Variants in MAN2A1 observed in about 807,000 individuals in gnomAD.
MAN2A1 encodes alpha-mannosidase 2.
In MAN2A1, 76 loss-of-function variants were observed where a neutral mutation model predicts 142.6. The observed-to-expected ratio is 0.53, with a 90% CI of 0.44 to 0.65. MAN2A1 has a LOEUF of 0.65. MAN2A1 is among the 30% of genes least tolerant of loss of function. The pLI, the probability that MAN2A1 is intolerant of heterozygous loss-of-function variation, is 0.00. For missense variants in MAN2A1, 1,311 were observed against 1,365.1 expected (o/e 0.96, Z 0.62); for synonymous variants, 559 against 473.2 (o/e 1.18, Z -2.35).
At chr5:109,822,888 A>G (rs1378567808) in intron 15 of MAN2A1, among the ~76,000 whole-genome samples, 2 of 152,110 alleles carry the variant, frequency 1.3e-5, no homozygotes, top group Non-Finnish European at 2.9e-5. Flanking sequence ...CATGTTAGCC[A>G]GGATGGTCTC....
At chr5:109,836,105 A>T (rs367822110) in intron 16 of MAN2A1, among the ~76,000 whole-genome samples, 3 of 148,828 alleles carry the variant, frequency 2.0e-5, no homozygotes, top group Non-Finnish European at 4.5e-5. Context: ...CAATAATAAT[A>T]ATTATTGTTA....
intron 16 of MAN2A1, among the ~76,000 whole-genome samples, chr5:109,836,064 G>A (rs1755046653): frequency 1.3e-5 from 2 of 151,862 alleles, no homozygotes; most frequent in South Asian, 4.2e-4. Flanking sequence ...CGTGTGTCGG[G>A]CTTGCCCTCC....
At chr5:109,855,751 GA>G (rs1755589812) in intron 20 of MAN2A1, among the ~76,000 whole-genome samples, 2 of 152,114 alleles carry the variant, frequency 1.3e-5, no homozygotes, top group Admixed American at 1.3e-4. Context: ...TTTCCCATTA[GA>G]AAACCAACTG....
At chr5:109,724,289 G>C (rs1028630807) in intron 3 of MAN2A1, among the ~76,000 whole-genome samples, 2 of 152,050 alleles carry the variant, frequency 1.3e-5, no homozygotes, top group Admixed American at 1.3e-4. Flanking sequence ...AGAGAGGGAA[G>C]GGGGAAAGGG....
chr5:109,861,064 A>ATACCT (rs1755743228), intron 20 of MAN2A1, among the ~76,000 whole-genome samples: 2 of 152,198 alleles, frequency 1.3e-5, no homozygotes, highest in East Asian at 3.8e-4. Context: ...TAAACTTTGG[A>ATACCT]GTCAGATGTC....
At chr5:109,808,056 C>A (rs903202744) in intron 12 of MAN2A1, among the ~76,000 whole-genome samples, 1 of 152,210 alleles carries the variant, frequency 6.6e-6, no homozygotes, top group Non-Finnish European at 1.5e-5. Context: ...ACCCACTCCC[C>A]ACTATGACTT....
At chr5:109,716,597 T>C (rs1008830340) in intron 3 of MAN2A1, among the ~76,000 whole-genome samples, 7 of 152,218 alleles carry the variant, frequency 4.6e-5, no homozygotes, top group Non-Finnish European at 7.3e-5. Context: ...AATTATTTCA[T>C]GTCTATGAGG....
chr5:109,726,470 T>C (rs1385431022), intron 3 of MAN2A1, among the ~76,000 whole-genome samples: 1 of 152,206 alleles, frequency 6.6e-6, no homozygotes, highest in Admixed American at 6.5e-5. Context: ...ATGGTGGTGA[T>C]ATCAGTATGA....
intron 4 of MAN2A1, among the ~76,000 whole-genome samples, chr5:109,733,192 G>A (rs1751970815): frequency 6.6e-6 from 1 of 152,158 alleles, no homozygotes; most frequent in Non-Finnish European, 1.5e-5. Flanking sequence ...AAGAATGCTT[G>A]TGATTTTTGT....
intron 17 of MAN2A1, among the ~76,000 whole-genome samples, chr5:109,843,260 G>A (rs985323113): frequency 2.6e-5 from 4 of 152,184 alleles, no homozygotes; most frequent in African/African-American, 9.7e-5. Flanking sequence ...AAGCAGACAA[G>A]TCTTACATGG....
chr5:109,787,988 G>A (rs1753638147), intron 10 of MAN2A1, among the ~76,000 whole-genome samples: 1 of 151,708 alleles, frequency 6.6e-6, no homozygotes, highest in South Asian at 2.1e-4. Flanking sequence ...ATCTCTGAAG[G>A]AAATATTAAT....
chr5:109,833,226 T>C (rs10065579), intron 16 of MAN2A1, among the ~76,000 whole-genome samples: 12,830 of 142,744 alleles, frequency 0.09, 634 homozygotes, highest in African/African-American at 0.16. Flanking sequence ...TCCCAGACGA[T>C]GGGCGGCCAG....
chr5:109,856,475 C>G (rs1423155621), intron 20 of MAN2A1, among the ~76,000 whole-genome samples: 1 of 152,146 alleles, frequency 6.6e-6, no homozygotes, highest in Non-Finnish European at 1.5e-5. Flanking sequence ...CTCCTAGATG[C>G]TCTGGCACTG....
At chr5:109,866,723 C>G in intron 21 of MAN2A1, 123 bp from the exon 22 acceptor site, 2 of 565,026 alleles carry the variant, frequency 3.5e-6, no homozygotes, top group Non-Finnish European at 6.1e-6. Context: ...CCCTTTTTTC[C>G]TCAAAAGAGA....
At chr5:109,702,529 C>T (rs548940335) in intron 1 of MAN2A1, among the ~76,000 whole-genome samples, 1 of 152,256 alleles carries the variant, frequency 6.6e-6, no homozygotes, top group East Asian at 1.9e-4. Flanking sequence ...GAAAAACTCC[C>T]TTCTGTTGGG....
chr5:109,700,753 A>G (rs1750956833), intron 1 of MAN2A1, among the ~76,000 whole-genome samples: 2 of 152,214 alleles, frequency 1.3e-5, no homozygotes, highest in African/African-American at 4.8e-5. Context: ...CACATAAACT[A>G]GACCTCAGCA....
At chr5:109,779,233 A>C (rs576931003) in intron 8 of MAN2A1, among the ~76,000 whole-genome samples, 298 of 152,288 alleles carry the variant, frequency 2.0e-3, no homozygotes, top group Middle Eastern at 6.8e-3. Context: ...CTGCTCTGGG[A>C]CATTGCCAAG....
intron 1 of MAN2A1, among the ~76,000 whole-genome samples, chr5:109,690,784 C>T (rs2241353): frequency 6.6e-6 from 1 of 152,082 alleles, no homozygotes; most frequent in East Asian, 1.9e-4. Flanking sequence ...CGGCATCATC[C>T]CGCTCAGGAA....
At chr5:109,812,319 T>C (rs35945232) in intron 12 of MAN2A1, among the ~76,000 whole-genome samples, 26,212 of 152,050 alleles carry the variant, frequency 0.17, 3,217 homozygotes, top group East Asian at 0.64. Flanking sequence ...AATCACACAA[T>C]TGTGATTTTT....
Sources: gnomAD v4.1 joint callset for allele counts (sites outside exome capture counted in the v4.1 genomes callset) on GRCh38, gnomAD v4.1.1 for gene constraint, MANE v1.5 for transcripts, NCBI Gene and HGNC (gene_info 2026-07-23, HGNC 2026-07-21) for gene names.